RTL9: variants seen among roughly 807,000 people sequenced by gnomAD.
The protein encoded by RTL9 is retrotransposon Gag-like protein 9.
In RTL9, 19 loss-of-function variants were observed where a neutral mutation model predicts 44.7. The observed-to-expected ratio is 0.42, with a 90% confidence interval of 0.30 to 0.62. RTL9 has a LOEUF of 0.62. RTL9 is among the 20% of genes least tolerant of loss of function. The probability of loss-of-function intolerance (pLI) is 0.16; values close to 1 mark genes in which losing one functional copy is unlikely to be tolerated. For missense variants in RTL9, 1,105 were observed against 1,080.6 expected, an observed-to-expected ratio of 1.02 and a Z score of -0.32; for synonymous variants, 407 against 398.9, an observed-to-expected ratio of 1.02 and a Z score of -0.24.
chrX:110,376,039 A>G (rs1267597896), intron 1 of RTL9, among the ~76,000 whole-genome samples: 1 of 111,861 alleles, frequency 8.9e-6, no homozygotes, highest in East Asian at 2.8e-4. Context: ...AGTGATGTGG[A>G]AACTGAGATT....
At chrX:110,420,435 C>A (rs1472429541) in intron 1 of RTL9, among the ~76,000 whole-genome samples, 1 of 111,914 alleles carries the variant, frequency 8.9e-6, no homozygotes, top group East Asian at 2.8e-4. Flanking sequence ...GCACTGGGCA[C>A]AAGGGTATTC....
chrX:110,447,394 T>C (rs113468628), upstream of RTL9, among the ~76,000 whole-genome samples: 2,078 of 110,121 alleles, frequency 0.019, 44 homozygotes, highest in African/African-American at 0.065. Flanking sequence ...GTTGTTGTTG[T>C]TATTATTACT....
At chrX:110,368,889 C>A (rs2068316697) in intron 1 of RTL9, among the ~76,000 whole-genome samples, 2 of 111,708 alleles carry the variant, frequency 1.8e-5, no homozygotes, top group African/African-American at 6.5e-5. Context: ...ACCCAGATAT[C>A]CTTCATCATC....
At chrX:110,389,522 A>G (rs1313533236) in intron 1 of RTL9, among the ~76,000 whole-genome samples, 1 of 112,543 alleles carries the variant, frequency 8.9e-6, no homozygotes, top group Non-Finnish European at 1.9e-5. Context: ...GGTAGCAGCC[A>G]GTAGCTCCAC....
At chrX:110,380,289 T>C (rs1461247845) in intron 1 of RTL9, among the ~76,000 whole-genome samples, 4 of 111,750 alleles carry the variant, frequency 3.6e-5, no homozygotes, top group East Asian at 2.8e-4. Context: ...AAAGATTTTG[T>C]AGTAGGAAAA....
intron 1 of RTL9, among the ~76,000 whole-genome samples, chrX:110,377,245 A>T (rs927907647): frequency 6.3e-5 from 7 of 111,961 alleles, no homozygotes; most frequent in African/African-American, 2.3e-4. Flanking sequence ...TCTGCCCAGT[A>T]GCGCTATATG....
rs778978525 is a variant in RTL9, at chrX:110,432,338, G to C, written c.-167-12815G>C. On this transcript the variant is annotated intron_variant, in intron 1 of 3. Transcript: ENST00000465301. ...CTTGTACCACTACACCCCCTGCCGG[G>C]TTCTTTCTAGGCATTTAGCTGTGGC... Among the ~76,000 whole-genome samples the C allele has an allele frequency of 7.1e-5, 8 of 112,457 alleles. No individual in the cohort carries two copies. The East Asian group carries it at 1.7e-3, about 24-fold the overall frequency.
In RTL9 at chrX:110,407,812, CA is replaced by C. The variant is rs998632087; in HGVS notation, c.-167-37340del. ...CTGACTCTCATTTTCTTTCTATTTG[CA>C]GAAGATAATTCTTTCCTGTTTCAAT... is the stretch of plus-strand genomic sequence containing the variant. On this transcript the variant is annotated intron_variant, in intron 1 of 2. Transcript: ENST00000520821. Among the ~76,000 whole-genome samples, 6 of 112,539 alleles carry C rather than the reference CA, an allele frequency of 5.3e-5. No individual in the cohort carries two copies. In the Admixed American group the frequency reaches 5.6e-4, roughly 11 times the overall value.
chrX:110,368,438 C>G (rs189940877), intron 1 of RTL9, among the ~76,000 whole-genome samples: 57 of 111,531 alleles, frequency 5.1e-4, no homozygotes, highest in Non-Finnish European at 2.8e-4. Flanking sequence ...TGCTGTTTCT[C>G]AGACATACCA....
At chrX:110,375,968 G>A (rs2068373833) in intron 1 of RTL9, among the ~76,000 whole-genome samples, 1 of 111,346 alleles carries the variant, frequency 9.0e-6, no homozygotes, top group Admixed American at 9.5e-5. Flanking sequence ...GTAATGCTAT[G>A]TCCTGTCTGT....
At chrX:110,395,422 T>A (rs976916513) in intron 1 of RTL9, among the ~76,000 whole-genome samples, 1 of 111,748 alleles carries the variant, frequency 8.9e-6, no homozygotes, top group African/African-American at 3.3e-5. Context: ...TTGGAGGGCA[T>A]ACCGCCTACC....
intron 1 of RTL9, among the ~76,000 whole-genome samples, chrX:110,366,270 A>G (rs2068296624): frequency 8.9e-6 from 1 of 112,025 alleles, no homozygotes; most frequent in Admixed American, 9.5e-5. Flanking sequence ...TGAACAAGCA[A>G]TGTTACAAAC....
intron 1 of RTL9, among the ~76,000 whole-genome samples, chrX:110,410,013 G>A (rs1171940090): frequency 8.9e-6 from 1 of 111,969 alleles, no homozygotes; most frequent in East Asian, 2.8e-4. Context: ...TCCGAGATGA[G>A]GACTTGAATT....
chrX:110,364,619 G>A (rs191861487), intron 1 of RTL9, among the ~76,000 whole-genome samples: 127 of 111,716 alleles, frequency 1.1e-3, no homozygotes, highest in Middle Eastern at 9.1e-3. Context: ...GTCCCCTAGA[G>A]CCTGATCAAT....
upstream of RTL9, among the ~76,000 whole-genome samples, chrX:110,446,325 G>T (rs2068907794): frequency 9.0e-6 from 1 of 110,786 alleles, no homozygotes; most frequent in African/African-American, 3.3e-5. Context: ...AGAGAAAGAA[G>T]AAATTATTTT....
chrX:110,429,487 G>GTTTTTTTTTTTTTTTTTTTT (rs2068781307), intron 1 of RTL9, among the ~76,000 whole-genome samples: 1 of 92,472 alleles, frequency 1.1e-5, no homozygotes, highest in African/African-American at 4.2e-5. Context: ...TTGTTTTTTT[G>GTTTTTTTTTTTTTTTTTTTT]GTTTTTTTGT....
chrX:110,452,113 C>T (rs182457558), exon 1 of RTL9: 21 of 1,210,516 alleles, frequency 1.7e-5, no homozygotes, highest in Middle Eastern at 4.6e-4. Flanking sequence ...AAGATGTCCA[C>T]GCCACTGAGG....
exon 2 of RTL9, chrX:110,455,566 A>C: frequency 3.5e-6 from 1 of 285,940 alleles, no homozygotes; most frequent in Non-Finnish European, 6.2e-6. Context: ...GAGGTTCTGA[A>C]CTCCCATCAC....
At chrX:110,451,210 C>A (rs764575048) in exon 1 of RTL9, 1 of 1,210,370 alleles carries the variant, frequency 8.3e-7, no homozygotes, top group East Asian at 3.0e-5. Context: ...ATGCTAGCCC[C>A]AGATTCTGGA....
Sources: gnomAD v4.1 joint callset for allele counts (sites outside exome capture counted in the v4.1 genomes callset) on GRCh38, gnomAD v4.1.1 for gene constraint, MANE v1.5 for transcripts, NCBI Gene and HGNC (gene_info 2026-07-23, HGNC 2026-07-21) for gene names.